The following NAV2 variants were observed in gnomAD, a reference collection of about 807,000 sequenced individuals.
The protein encoded by NAV2 is helicase, APC down-regulated 1.
A neutral mutation model predicts 223.2 loss-of-function variants in NAV2; 54 were observed. That is an observed-to-expected ratio of 0.24 (90% CI 0.19 to 0.30). NAV2 has a LOEUF of 0.30. Ranked by LOEUF, NAV2 falls within the 10% of genes least tolerant of loss-of-function variation. NAV2 has a pLI of 1.00. For synonymous variants in NAV2, 1,279 were observed against 1,239.3 expected (o/e 1.03, Z -0.67); for missense variants, 2,806 against 3,147.5 (o/e 0.89, Z 2.60).
At chr11:19,688,250 T>G (rs1161475765) in intron 1 of NAV2, among the ~76,000 whole-genome samples, 1 of 152,208 alleles carries the variant, frequency 6.6e-6, no homozygotes, top group East Asian at 1.9e-4. Flanking sequence ...ATATTTGTTG[T>G]ACATAAAGGA....
intron 11 of NAV2, among the ~76,000 whole-genome samples, chr11:19,990,358 G>T (rs1013330708): frequency 6.6e-6 from 1 of 152,184 alleles, no homozygotes; most frequent in Middle Eastern, 3.2e-3. Flanking sequence ...CACCAGATCT[G>T]CAGAGATTCT....
In NAV2 at chr11:19,510,664, A is replaced by G. The variant is rs114006738; in HGVS notation, c.75+159637A>G. ...CAGCCCGAAGTCCGTTGGTCATTGC[A>G]TGGTGCCTGTGTATTGTGGCAGGGC... is the stretch of plus-strand genomic sequence containing the variant. On this transcript the variant is annotated intron_variant, in intron 1 of 37. Transcript: ENST00000360655. 7.3e-3 allele frequency among the ~76,000 whole-genome samples: 1,108 copies of G among 152,362 alleles called. 9 individuals are homozygous for G. The highest frequency in any genetic ancestry group is 0.024 in the African/African-American group (1,000 of 41,578).
rs1346760703 is a variant in NAV2 at position 20,093,212 on chromosome 11, C to T, written c.5916+13C>T. The stretch of plus-strand genomic sequence containing the variant: ...GAAGTGGAAGGAGGTTAGTTGGATC[C>T]CTTTCCCTGCTTTGCCTGTCCCTCC... On this transcript the variant is annotated intron_variant, in intron 29 of 37. Coordinates refer to ENST00000349880, the MANE Select transcript of NAV2 (RefSeq NM_145117.5). 1 of 1,572,908 alleles carries T rather than the reference C, an allele frequency of 6.4e-7. No homozygotes were observed. The highest frequency in any genetic ancestry group is 1.3e-5 in the African/African-American group (1 of 74,170).
At position 19,374,328 on chromosome 11, in the gene NAV2, TTTTTTA is replaced by T. The variant is rs1483136468; in HGVS notation, c.75+23302_75+23307del. On this transcript the variant is annotated intron_variant, in intron 1 of 37. Transcript: ENST00000360655. ...GAAAAGGTTTTTTTTTTTTTTTTTT[TTTTTTA>T]AAATCAGCTATTAAATGACTCACCA... Among the ~76,000 whole-genome samples the T allele has an allele frequency of 2.1e-3, 304 of 148,258 alleles. 2 individuals are homozygous for T. The highest frequency in any genetic ancestry group is 7.6e-3 in the African/African-American group (291 of 38,358).
At chr11:20,012,056 C>T (rs187919422) in intron 11 of NAV2, among the ~76,000 whole-genome samples, 3 of 152,286 alleles carry the variant, frequency 2.0e-5, no homozygotes, top group Admixed American at 2.0e-4. Flanking sequence ...GGTGATGGGG[C>T]TACCCTGAAC....
intron 6 of NAV2, among the ~76,000 whole-genome samples, chr11:19,927,913 T>C (rs2044936961): frequency 6.6e-6 from 1 of 152,206 alleles, no homozygotes. Context: ...ACAGCTACTA[T>C]TTTAAAATTA....
rs760846369 is a variant in NAV2 at position 20,045,212 on chromosome 11, A to G, written c.3444A>G (p.Thr1148=). ...TGACTGTCACCAGCAGGTCAGCCAC[A>G]CTGGGCAAAATCCCAAAGTCATCTG... The part of the protein sequence containing the change: ...SGVTVTSRSA[T]LGKIPKSSAL... Residue 1148 remains threonine (T), a synonymous_variant, in exon 14 of 38, where the codon ACA becomes ACG. Transcript: ENST00000349880. 20 of 1,614,164 alleles carry G rather than the reference A, an allele frequency of 1.2e-5. No homozygotes were observed. The Admixed American group carries it at 3.2e-4, about 26-fold the overall frequency.
chr11:19,678,833 A>G (rs546686936), intron 1 of NAV2, among the ~76,000 whole-genome samples: 85 of 152,338 alleles, frequency 5.6e-4, no homozygotes, highest in Admixed American at 2.0e-3. Flanking sequence ...TGTGTAAGAC[A>G]GCGAGGAGAG....
chr11:19,704,088 G>A lies in NAV2; in HGVS notation c.76-128396G>A, dbSNP rs563421945. On this transcript the variant is annotated intron_variant, in intron 1 of 37. Transcript: ENST00000360655. ...AGCCTGGGTGATTTTTAGGCTTCTTGTTTAAGGAGTACTGGTCGAAGTTGT... is the reference window on the plus strand; with the variant it reads ...AGCCTGGGTGATTTTTAGGCTTCTTATTTAAGGAGTACTGGTCGAAGTTGT... 2.0e-5 allele frequency among the ~76,000 whole-genome samples: 3 copies of A among 151,202 alleles called. No homozygotes were observed. The East Asian group carries it at 5.8e-4, about 29-fold the overall frequency.
Position 19,514,519 on chromosome 11 carries a change from C to T in NAV2, c.75+163492C>T, listed in dbSNP as rs551805839. On this transcript the variant is annotated intron_variant, in intron 1 of 37. Coordinates refer to the NAV2 transcript ENST00000360655. ...AAGCTGCGGAAATGACCAGAGTACA[C>T]TTTCTCCGCATCTCAGAGAGACCAA... Among the ~76,000 whole-genome samples the T allele has an allele frequency of 3.9e-5, 6 of 152,334 alleles. No individual in the cohort carries two copies. In the East Asian group the frequency reaches 9.6e-4, roughly 24 times the overall value.
intron 1 of NAV2, among the ~76,000 whole-genome samples, chr11:19,679,302 A>ATGCC (rs2048809750): frequency 6.6e-6 from 1 of 152,130 alleles, no homozygotes; most frequent in Non-Finnish European, 1.5e-5. Flanking sequence ...GTGGTGGCAC[A>ATGCC]TGCCTGTAGT....
At chr11:19,899,212 CAGAAG>C (rs1163302754) in intron 6 of NAV2, among the ~76,000 whole-genome samples, 1 of 152,176 alleles carries the variant, frequency 6.6e-6, no homozygotes, top group Non-Finnish European at 1.5e-5. Flanking sequence ...TTGTCATGAG[CAGAAG>C]AGAAGAGCCA....
At chr11:19,739,314 C>G (rs2052597716) in intron 1 of NAV2, among the ~76,000 whole-genome samples, 1 of 152,184 alleles carries the variant, frequency 6.6e-6, no homozygotes, top group South Asian at 2.1e-4. Flanking sequence ...TCTTCATATT[C>G]TCAGTTAATC....
In NAV2 at chr11:19,531,021, C is replaced by T. The variant is rs140781798; in HGVS notation, c.75+179994C>T. Among the ~76,000 whole-genome samples the T allele has an allele frequency of 4.5e-4, 69 of 152,244 alleles. 1 individual carries two copies. The highest frequency in any genetic ancestry group is 3.4e-3 in the Middle Eastern group (1 of 294). ...CAACTAGTATTTATTTATTAAATAT[C>T]GGTATGTATTTCAACAAATATTTAT... On this transcript the variant is annotated intron_variant, in intron 1 of 37. Coordinates refer to the NAV2 transcript ENST00000360655.
At chr11:19,434,500 A>G (rs1443734379) in intron 1 of NAV2, among the ~76,000 whole-genome samples, 1 of 152,246 alleles carries the variant, frequency 6.6e-6, no homozygotes, top group African/African-American at 2.4e-5. Flanking sequence ...ATCCTTGAGA[A>G]GAAGAAAGGA....
chr11:20,065,267 G>A (rs999963387), intron 20 of NAV2, among the ~76,000 whole-genome samples: 1 of 152,212 alleles, frequency 6.6e-6, no homozygotes, highest in Non-Finnish European at 1.5e-5. Flanking sequence ...TCTTTGAAAT[G>A]TTAAGTTGCC....
rs76125643 is a variant in NAV2 at position 20,055,675 on chromosome 11, T to C, written c.4643-94T>C. Reference sequence around the variant, plus strand: ...GGAGAAGAGTTGGCAGAAACACATGTGGCTAAAAATAAGCAGTCTTCTCTT... The same window carrying C: ...GGAGAAGAGTTGGCAGAAACACATGCGGCTAAAAATAAGCAGTCTTCTCTT... On this transcript the variant is annotated intron_variant, in intron 18 of 37. Coordinates refer to ENST00000349880, the MANE Select transcript of NAV2 (RefSeq NM_145117.5). 0.01 allele frequency: 11,725 copies of C among 1,130,118 alleles called. 801 individuals are homozygous for C. The African/African-American group carries it at 0.16, about 15-fold the overall frequency. 70.0% of individuals were successfully genotyped at this position (1,130,118 alleles called of 1,614,324 possible).
At chr11:19,911,873 A>T (rs2043346621) in intron 6 of NAV2, among the ~76,000 whole-genome samples, 1 of 152,140 alleles carries the variant, frequency 6.6e-6, no homozygotes, top group Non-Finnish European at 1.5e-5. Flanking sequence ...GGACATGGGG[A>T]AACCTGAGAG....
intron 1 of NAV2, among the ~76,000 whole-genome samples, chr11:19,422,752 C>T (rs116419400): frequency 0.032 from 4,927 of 152,280 alleles, 291 homozygotes; most frequent in African/African-American, 0.11. Flanking sequence ...GAAAGTCTTC[C>T]CTTTCATTCC....
Sources: gnomAD v4.1 joint callset for allele counts (sites outside exome capture counted in the v4.1 genomes callset) on GRCh38, gnomAD v4.1.1 for gene constraint, MANE v1.5 for transcripts, NCBI Gene and HGNC (gene_info 2026-07-23, HGNC 2026-07-21) for gene names.